Variants in AFDN observed in about 807,000 individuals in gnomAD.
The protein encoded by AFDN is afadin.
AFDN carries 68 observed loss-of-function variants against 216.6 expected under a neutral mutation model. The ratio of observed to expected loss-of-function variants is 0.31; its 90% CI spans 0.26 to 0.38. The LOEUF (loss-of-function observed/expected upper bound fraction) is 0.38. Ranked by LOEUF, AFDN falls within the 10% of genes least tolerant of loss-of-function variation. The pLI, the probability that AFDN is intolerant of heterozygous loss-of-function variation, is 1.00. For missense variants in AFDN, 2,136 were observed against 2,342.0 expected (o/e 0.91, Z 1.82); for synonymous variants, 868 against 853.7 (o/e 1.02, Z -0.29).
At chr6:167,964,052 G>T in intron 31 of AFDN, 1 of 1,064,454 alleles carries the variant, frequency 9.4e-7, no homozygotes, top group East Asian at 5.0e-5. Context: ...CATGCAGAGA[G>T]GACCAGGCCA....
chr6:167,917,348 A>G, intron 20 of AFDN, 116 bp downstream of exon 20: 1 of 1,138,646 alleles, frequency 8.8e-7, no homozygotes, highest in Non-Finnish European at 1.2e-6. Flanking sequence ...TTCTCATCTT[A>G]CAAGATCATT....
In AFDN at chr6:167,965,705, C is replaced by G. The variant is rs190738147; in HGVS notation, c.4969-52C>G. ...TCCCTTTGAAGGCCCAGTGGGTCGG[C>G]TGTTCCCTTCTCACCTCTGACCTTT... On this transcript the variant is annotated intron_variant, in intron 31 of 33. Coordinates refer to ENST00000683244, the MANE Select transcript of AFDN (RefSeq NM_001386888.1). 331 of 1,465,832 alleles carry G rather than the reference C, an allele frequency of 2.3e-4. 1 individual carries two copies. The East Asian group carries it at 6.6e-3, about 29-fold the overall frequency. The allele number at this position is 1,465,832 out of a possible 1,614,324, so 90.8% of individuals were successfully genotyped here.
At chr6:167,841,843 C>T (rs909091666) in intron 1 of AFDN, among the ~76,000 whole-genome samples, 1 of 151,796 alleles carries the variant, frequency 6.6e-6, no homozygotes, top group African/African-American at 2.4e-5. Flanking sequence ...CGATGCCTTT[C>T]TTCTTTTGAG....
rs1562663183 is a variant in AFDN, at chr6:167,914,726, C to T, written c.2287C>T (p.Arg763Ter). 1 of 1,609,196 alleles carries T rather than the reference C, an allele frequency of 6.2e-7. No homozygotes were observed. Residue 763 changes from arginine to a stop codon, truncating the protein, a stop_gained, in exon 18 of 34, where the codon CGA becomes TGA. Transcript: ENST00000683244. LOFTEE classifies it high-confidence loss of function. ...TGACCCTGAAGAGAACAGTCTGCAACGACCAAAAATAGGTTAGGATGTTTT... is the reference window on the plus strand; with the variant it reads ...TGACCCTGAAGAGAACAGTCTGCAATGACCAAAAATAGGTTAGGATGTTTT... ...LDDPEENSLQ[R>*]PKIDDVLHTL...
At chr6:167,912,707 A>T (rs1040932928) in intron 15 of AFDN, among the ~76,000 whole-genome samples, 2 of 152,188 alleles carry the variant, frequency 1.3e-5, no homozygotes, top group African/African-American at 4.8e-5. Context: ...CCTATCATAA[A>T]ACTACCCTTG....
chr6:167,829,240 T>C (rs1443544789), intron 1 of AFDN, among the ~76,000 whole-genome samples: 1 of 152,210 alleles, frequency 6.6e-6, no homozygotes, highest in Non-Finnish European at 1.5e-5. Context: ...TTAGCTTTTT[T>C]ACTATATAGT....
chr6:167,850,021 T>G (rs1224151595), intron 1 of AFDN, among the ~76,000 whole-genome samples: 1 of 152,152 alleles, frequency 6.6e-6, no homozygotes, highest in Non-Finnish European at 1.5e-5. Context: ...TCTGCTGTAG[T>G]CATTTGGTAA....
In AFDN at chr6:167,942,060, G is replaced by A. The variant is rs571393945; in HGVS notation, c.3100-1069G>A. ...TTACAAAATTTGACCTGCTACAGGC[G>A]TTTTGTTTTGGTTTGGTTTGGTTTG... On this transcript the variant is annotated intron_variant, in intron 23 of 33. Transcript: ENST00000683244. Among the ~76,000 whole-genome samples the A allele has an allele frequency of 6.6e-5, 10 of 152,182 alleles. No individual in the cohort carries two copies. In the East Asian group the frequency reaches 7.7e-4, roughly 12 times the overall value.
chr6:167,854,929 T>A (rs1035344032), intron 1 of AFDN, among the ~76,000 whole-genome samples: 6 of 151,946 alleles, frequency 3.9e-5, no homozygotes, highest in African/African-American at 1.4e-4. Context: ...AACCATTGTA[T>A]TTTTAGTTAC....
intron 23 of AFDN, among the ~76,000 whole-genome samples, chr6:167,927,078 T>C (rs1047774796): frequency 6.6e-6 from 1 of 152,200 alleles, no homozygotes; most frequent in Non-Finnish European, 1.5e-5. Flanking sequence ...ATCCATAATC[T>C]TAGTCATAAC....
intron 29 of AFDN, among the ~76,000 whole-genome samples, chr6:167,949,387 G>A (rs991417051): frequency 6.6e-5 from 10 of 151,518 alleles, no homozygotes; most frequent in Admixed American, 4.6e-4. Context: ...AGTAGGCAGC[G>A]GAGAGAGGAT....
At position 167,962,959 on chromosome 6, in the gene AFDN, G is replaced by T; in HGVS notation, c.4968+392G>T. The T allele has an allele frequency of 9.0e-7, 1 of 1,111,780 alleles. No individual in the cohort carries two copies. The highest frequency in any genetic ancestry group is 1.1e-6 in the Non-Finnish European group (1 of 905,796). 68.9% of individuals were successfully genotyped at this position (1,111,780 alleles called of 1,614,324 possible). ...ATGTGGACCGTGGGAAGCAGTAGGA[G>T]CGTAGTAAGACAGTTGGCTGCCATT... On this transcript the variant is annotated intron_variant, in intron 31 of 33. Transcript: ENST00000683244. The surrounding 1 kb of genome is among the most constrained non-coding windows in gnomAD (Gnocchi z 5.2).
chr6:167,828,521 T>C (rs1274042433), intron 1 of AFDN, among the ~76,000 whole-genome samples: 1 of 152,242 alleles, frequency 6.6e-6, no homozygotes, highest in Non-Finnish European at 1.5e-5. Context: ...ATAGATGTTA[T>C]GTTAAGTTAC....
intron 4 of AFDN, among the ~76,000 whole-genome samples, chr6:167,873,408 A>G (rs1277893166): frequency 6.6e-6 from 1 of 152,228 alleles, no homozygotes; most frequent in Non-Finnish European, 1.5e-5. Flanking sequence ...ATACAGTATT[A>G]TATAGTTCTT....
At chr6:167,844,190 G>C (rs2128140398) in intron 1 of AFDN, among the ~76,000 whole-genome samples, 1 of 147,378 alleles carries the variant, frequency 6.8e-6, no homozygotes, top group African/African-American at 2.6e-5. Flanking sequence ...GTGTGTGTGT[G>C]TGTGTGTGTG....
chr6:167,861,547 A>G (rs1032211844), intron 1 of AFDN, among the ~76,000 whole-genome samples: 5 of 152,030 alleles, frequency 3.3e-5, no homozygotes, highest in African/African-American at 1.2e-4. Flanking sequence ...GGTAATAAAG[A>G]TTTTATGTTT....
At chr6:167,858,835 A>C (rs912408832) in intron 1 of AFDN, among the ~76,000 whole-genome samples, 1 of 152,176 alleles carries the variant, frequency 6.6e-6, no homozygotes, top group Non-Finnish European at 1.5e-5. Context: ...CATTTTATAA[A>C]TGAGGAAACC....
In AFDN at chr6:167,970,177, C is replaced by T. The variant is rs540576054; in HGVS notation, c.*242C>T. 30 of 421,604 alleles carry T rather than the reference C, an allele frequency of 7.1e-5. No individual in the cohort carries two copies. The highest frequency in any genetic ancestry group is 5.8e-4 in the African/African-American group (28 of 47,910). The allele number at this position is 421,604 out of a possible 1,614,324, so 26.1% of individuals were successfully genotyped here. ...TAGTTTCTTAATTATCTAACTCACA[C>T]GAGGGTAAGTTTTTTGTTGGTTTCT... On this transcript the variant is annotated 3_prime_UTR_variant, in exon 34 of 34. Transcript: ENST00000683244.
rs111610002 is a variant in AFDN at position 167,947,381 on chromosome 6, A to T, written c.3554-472A>T. Among the ~76,000 whole-genome samples the T allele has an allele frequency of 7.2e-5, 11 of 152,066 alleles. No homozygotes were observed. The East Asian group carries it at 1.5e-3, about 21-fold the overall frequency. On this transcript the variant is annotated intron_variant, in intron 27 of 33. Transcript: ENST00000683244. ...TTTTTAGTAGAGACGGGGTTTCACC[A>T]TGTTAGCCAGGATGGTCTCGATCTC...
Sources: gnomAD v4.1 joint callset for allele counts (sites outside exome capture counted in the v4.1 genomes callset) on GRCh38, gnomAD v4.1.1 for gene constraint, Gnocchi (gnomAD v3.1) non-coding constraint, MANE v1.5 for transcripts, NCBI Gene and HGNC (gene_info 2026-07-23, HGNC 2026-07-21) for gene names.